CACNA1C: variants seen among roughly 807,000 people sequenced by gnomAD.
The protein encoded by CACNA1C is calcium voltage-gated channel subunit alpha1 C.
A neutral mutation model predicts 229.0 loss-of-function variants in CACNA1C; 30 were observed. The observed-to-expected ratio is 0.13, with a 90% confidence interval of 0.10 to 0.18. CACNA1C has a LOEUF of 0.18. Among genes scored for constraint, CACNA1C ranks in the 10% least tolerant of loss-of-function variants. CACNA1C has a pLI of 1.00. For missense variants in CACNA1C, 1,658 were observed against 2,845.0 expected, an observed-to-expected ratio of 0.58 and a Z score of 9.49; for synonymous variants, 1,114 against 1,132.5, an observed-to-expected ratio of 0.98 and a Z score of 0.33.
At chr12:2,200,429 C>T (rs939718447) in intron 3 of CACNA1C, among the ~76,000 whole-genome samples, 2 of 152,104 alleles carry the variant, frequency 1.3e-5, no homozygotes, top group African/African-American at 4.8e-5. Flanking sequence ...TGGTAGGTTG[C>T]TACTGGCATC....
rs895913538 is a variant in CACNA1C at position 2,467,139 on chromosome 12, C to T, written c.757+9433C>T. Reference sequence around the variant, plus strand: ...CTGCCTGGTCCCCCTGCCCGCCCATCGGAGATGGTCCCTACAACATCTTCT... The same window carrying T: ...CTGCCTGGTCCCCCTGCCCGCCCATTGGAGATGGTCCCTACAACATCTTCT... On this transcript the variant is annotated intron_variant, in intron 5 of 46. Transcript: ENST00000399655. The surrounding 1 kb of genome is among the most constrained non-coding windows in gnomAD (Gnocchi z 4.6). Among the ~76,000 whole-genome samples, 5 of 152,134 alleles carry T rather than the reference C, an allele frequency of 3.3e-5. No individual in the cohort carries two copies. Among genetic ancestry groups the T allele is most frequent in the Non-Finnish European group, 5.9e-5 (4 of 68,020 alleles).
chr12:2,663,114 G>A (rs1170134532), intron 34 of CACNA1C, among the ~76,000 whole-genome samples: 1 of 151,956 alleles, frequency 6.6e-6, no homozygotes, highest in African/African-American at 2.4e-5. Flanking sequence ...AGAACATAGA[G>A]GAAAAAACTA....
chr12:2,341,644 C>T (rs2096868093), intron 3 of CACNA1C, among the ~76,000 whole-genome samples: 1 of 152,170 alleles, frequency 6.6e-6, no homozygotes, highest in Admixed American at 6.5e-5. Context: ...GTGGGTTTGT[C>T]CTCTGTTTAG....
chr12:2,092,985 G>T (rs2071949872), intron 1 of CACNA1C, among the ~76,000 whole-genome samples: 1 of 152,226 alleles, frequency 6.6e-6, no homozygotes, highest in South Asian at 2.1e-4. Flanking sequence ...GTGAATGAAG[G>T]AGGAGGCAGT....
chr12:2,423,557 C>T (rs1464135032), intron 3 of CACNA1C, among the ~76,000 whole-genome samples: 1 of 152,056 alleles, frequency 6.6e-6, no homozygotes, highest in African/African-American at 2.4e-5. Context: ...ATATAGAACA[C>T]ATGTAATAAA....
chr12:2,170,908 T>G (rs545942628), intron 3 of CACNA1C, among the ~76,000 whole-genome samples: 51 of 152,326 alleles, frequency 3.3e-4, no homozygotes, highest in African/African-American at 1.2e-3. Context: ...GACCCACCCC[T>G]GCTGCTTGGG....
intron 1 of CACNA1C, among the ~76,000 whole-genome samples, chr12:2,012,725 G>C (rs1185416139): frequency 1.1e-4 from 16 of 152,216 alleles, no homozygotes; most frequent in Admixed American, 1.0e-3. Context: ...CAAGGGTTCA[G>C]CTGTGATGTA....
At chr12:2,337,442 C>T (rs2154519571) in intron 3 of CACNA1C, among the ~76,000 whole-genome samples, 1 of 152,320 alleles carries the variant, frequency 6.6e-6, no homozygotes, top group African/African-American at 2.4e-5. Context: ...AGCCTCGCCA[C>T]AGTGAAGATG....
Position 2,597,591 on chromosome 12 carries a change from T to C in CACNA1C, c.2853+302T>C, listed in dbSNP as rs898327689. The C allele has an allele frequency of 2.3e-6, 2 of 874,796 alleles. No homozygotes were observed. The highest frequency in any genetic ancestry group is 2.8e-5 in the South Asian group (2 of 71,666). The allele number at this position is 874,796 out of a possible 1,614,324, so 54.2% of individuals were successfully genotyped here. On this transcript the variant is annotated intron_variant, in intron 21 of 46. Coordinates refer to ENST00000399655, the MANE Select transcript of CACNA1C (RefSeq NM_000719.7). The surrounding 1 kb of genome is among the most constrained non-coding windows in gnomAD (Gnocchi z 4.3). ...TTTGTCTTTTCTGTTTCTTTCACTCTCTCTTTTCTTTACTCCCAAGCCTGA... is the reference window on the plus strand; with the variant it reads ...TTTGTCTTTTCTGTTTCTTTCACTCCCTCTTTTCTTTACTCCCAAGCCTGA...
chr12:2,596,106 G>A, intron 20 of CACNA1C, 103 bp downstream of exon 20: 3 of 1,185,706 alleles, frequency 2.5e-6, no homozygotes, highest in South Asian at 3.4e-5. Context: ...CCAATTCTAG[G>A]TGTCATAATT....
chr12:2,178,258 A>ATC (rs972366293), intron 3 of CACNA1C, among the ~76,000 whole-genome samples: 4 of 152,234 alleles, frequency 2.6e-5, no homozygotes, highest in African/African-American at 9.6e-5. Flanking sequence ...GAGAGGAAAT[A>ATC]GAGTTGTCAT....
intron 1 of CACNA1C, among the ~76,000 whole-genome samples, chr12:1,987,260 T>C (rs1428566762): frequency 6.6e-6 from 1 of 152,208 alleles, no homozygotes; most frequent in Admixed American, 6.5e-5. Flanking sequence ...CTACATATGC[T>C]AGTGCTGTAT....
In CACNA1C at chr12:2,261,016, G is replaced by A. The variant is rs561368444; in HGVS notation, c.477+140586G>A. 1.2e-4 allele frequency among the ~76,000 whole-genome samples: 19 copies of A among 152,212 alleles called. No individual in the cohort carries two copies. In the South Asian group the frequency reaches 3.9e-3, roughly 32 times the overall value. On this transcript the variant is annotated intron_variant, in intron 3 of 46. Transcript: ENST00000399655. The stretch of plus-strand genomic sequence containing the variant: ...GAGGCCGAGGCTGGCAGATCACAAG[G>A]TCAGGAGATCGAGACCATCCTGGCT...
intron 1 of CACNA1C, among the ~76,000 whole-genome samples, chr12:2,072,931 A>G (rs2061878598): frequency 6.6e-6 from 1 of 152,188 alleles, no homozygotes; most frequent in Admixed American, 6.5e-5. Context: ...ACAGCCATGT[A>G]TTAAGTGTCT....
intron 1 of CACNA1C, among the ~76,000 whole-genome samples, chr12:2,093,166 G>T (rs1008100153): frequency 2.6e-5 from 4 of 152,256 alleles, no homozygotes; most frequent in Non-Finnish European, 5.9e-5. Context: ...AAGGCCCCTG[G>T]CAGGGCAAAG....
In CACNA1C at chr12:2,651,269, G is replaced by A. The variant is rs1446363897; in HGVS notation, c.3946-371G>A. 1 of 330,356 alleles carries A rather than the reference G, an allele frequency of 3.0e-6. No homozygotes were observed. The highest frequency in any genetic ancestry group is 5.6e-6 in the Non-Finnish European group (1 of 179,326). The allele number at this position is 330,356 out of a possible 1,614,324, so 20.5% of individuals were successfully genotyped here. On this transcript the variant is annotated intron_variant, in intron 31 of 46. Coordinates refer to ENST00000399655, the MANE Select transcript of CACNA1C (RefSeq NM_000719.7). This position sits in a 1 kb window ranked among gnomAD's most constrained non-coding sequence, Gnocchi z 5.4. ...CTAGGACTGCTTCCTCAGCAGTGCA[G>A]AGGAGGGGTTCCCAGGGCAGCTGGC...
Position 2,053,126 on chromosome 12 carries a change from G to C in CACNA1C, c.-437G>C, listed in dbSNP as rs1002704849. ...CGGCTCCCTTTGACAGCAGAGAGCCGGGCAGGGGCCTCAGGAGGACTCGCT... is the reference window on the plus strand; with the variant it reads ...CGGCTCCCTTTGACAGCAGAGAGCCCGGCAGGGGCCTCAGGAGGACTCGCT... On this transcript the variant is annotated 5_prime_UTR_variant, in exon 1 of 47. Transcript: ENST00000399655. The surrounding 1 kb of genome is among the most constrained non-coding windows in gnomAD (Gnocchi z 5.8). 1 of 984,720 alleles carries C rather than the reference G, an allele frequency of 1.0e-6. No individual in the cohort carries two copies. Among genetic ancestry groups the C allele is most frequent in the Non-Finnish European group, 1.2e-6 (1 of 829,688 alleles). 61.0% of individuals were successfully genotyped at this position (984,720 alleles called of 1,614,324 possible).
Position 2,606,967 on chromosome 12 carries a change from T to C in CACNA1C, c.3210-17T>C. 6.2e-7 allele frequency: 1 copy of C among 1,612,758 alleles called. No individual in the cohort carries two copies. The highest frequency in any genetic ancestry group is 8.5e-7 in the Non-Finnish European group (1 of 1,178,820). On this transcript the variant is annotated splice_polypyrimidine_tract_variant and intron_variant, in intron 25 of 46. Coordinates refer to ENST00000399655, the MANE Select transcript of CACNA1C (RefSeq NM_000719.7). ...GATGGGAGATCCCAGAGTAAACTCC[T>C]TCTCCTCCTCTCTCAGGGGCAACTA... is the stretch of plus-strand genomic sequence containing the variant.
intron 5 of CACNA1C, among the ~76,000 whole-genome samples, chr12:2,463,052 A>G (rs374984408): frequency 2.7e-5 from 4 of 150,802 alleles, no homozygotes; most frequent in African/African-American, 7.3e-5. Flanking sequence ...AGCTGGGACT[A>G]TAGGCACCCG....
Sources: gnomAD v4.1 joint callset for allele counts (sites outside exome capture counted in the v4.1 genomes callset) on GRCh38, gnomAD v4.1.1 for gene constraint, Gnocchi (gnomAD v3.1) non-coding constraint, MANE v1.5 for transcripts, NCBI Gene and HGNC (gene_info 2026-07-23, HGNC 2026-07-21) for gene names.